The following MMP16 variants were observed in gnomAD, a reference collection of about 807,000 sequenced individuals.
MMP16 encodes the protein matrix metallopeptidase 16.
Under a neutral mutation model 67.8 loss-of-function variants are expected in MMP16, and 12 were observed. The observed-to-expected ratio is 0.18, with a 90% confidence interval of 0.11 to 0.29. The LOEUF is 0.29. Ranked by LOEUF, MMP16 falls within the 10% of genes least tolerant of loss-of-function variation. MMP16 has a pLI of 1.00. For missense variants in MMP16, 475 were observed against 765.7 expected, an observed-to-expected ratio of 0.62 and a Z score of 4.48; for synonymous variants, 249 against 255.9, an observed-to-expected ratio of 0.97 and a Z score of 0.26.
rs77967561 is a variant in MMP16, at chr8:88,247,747, C to T, written c.133-50441G>A. On this transcript the variant is annotated intron_variant, in intron 1 of 9. Transcript: ENST00000286614. ...TTAACATAGACTTCAGCTGTACCTT[C>T]GCTCCACACTGCTTTGTACACATCT... Among the ~76,000 whole-genome samples the T allele has an allele frequency of 8.1e-3, 1,224 of 151,354 alleles. 16 individuals carry two copies. The highest frequency in any genetic ancestry group is 0.027 in the African/African-American group (1,117 of 41,226).
At chr8:88,140,942 A>T (rs1808201578) in intron 4 of MMP16, among the ~76,000 whole-genome samples, 1 of 152,198 alleles carries the variant, frequency 6.6e-6, no homozygotes. Flanking sequence ...CATCAAAATT[A>T]AAATATCATT....
At position 88,041,028 on chromosome 8, in the gene MMP16, G is replaced by GA. The variant is rs1462757320; in HGVS notation, c.*432dup. The GA allele has an allele frequency of 1.3e-5, 2 of 151,924 alleles. No homozygotes were observed. Among genetic ancestry groups the GA allele is most frequent in the Non-Finnish European group, 2.9e-5 (2 of 68,370 alleles). 9.4% of individuals were successfully genotyped at this position (151,924 alleles called of 1,614,324 possible). ...GTTTTAAAGCAAAAAAAGAAAAAAA[G>GA]AAAAAAAGAAAAAAAGAAAAACCGT... On this transcript the variant is annotated 3_prime_UTR_variant, in exon 10 of 10. Transcript: ENST00000286614. The surrounding 1 kb of genome is among the most constrained non-coding windows in gnomAD (Gnocchi z 6.0).
intron 1 of MMP16, among the ~76,000 whole-genome samples, chr8:88,309,424 T>G (rs1038466386): frequency 2.7e-5 from 4 of 150,760 alleles, no homozygotes; most frequent in Non-Finnish European, 5.9e-5. Context: ...AGAAAGTCTA[T>G]AAAGAGGGAG....
intron 4 of MMP16, among the ~76,000 whole-genome samples, chr8:88,164,719 A>G (rs954556901): frequency 3.3e-5 from 5 of 151,960 alleles, no homozygotes; most frequent in African/African-American, 1.2e-4. Context: ...CTCAAATATT[A>G]AACAATTGTT....
Position 88,037,057 on chromosome 8 carries a change from A to C in MMP16, c.*4404T>G, listed in dbSNP as rs1436870253. 6 of 151,154 alleles carry C rather than the reference A, an allele frequency of 4.0e-5. No homozygotes were observed. The highest frequency in any genetic ancestry group is 1.2e-4 in the African/African-American group (5 of 41,186). 9.4% of individuals were successfully genotyped at this position (151,154 alleles called of 1,614,324 possible). A position where few individuals can be genotyped will look rare whatever the true frequency, so the allele number is the denominator to read the frequency against. Reference sequence around the variant, plus strand: ...TTCAGATAGCACTTTGAGTTTAGTTAATATGGACACACTATTTATTCCACT... The same window carrying C: ...TTCAGATAGCACTTTGAGTTTAGTTCATATGGACACACTATTTATTCCACT... On this transcript the variant is annotated 3_prime_UTR_variant, in exon 10 of 10. Transcript: ENST00000286614.
At chr8:88,084,635 A>C (rs2118320848) in intron 6 of MMP16, among the ~76,000 whole-genome samples, 1 of 152,178 alleles carries the variant, frequency 6.6e-6, no homozygotes, top group South Asian at 2.1e-4. Context: ...CTGCATTTGC[A>C]TACATACATA....
At chr8:88,093,915 G>C (rs1313073124) in intron 6 of MMP16, among the ~76,000 whole-genome samples, 1 of 151,762 alleles carries the variant, frequency 6.6e-6, no homozygotes, top group Non-Finnish European at 1.5e-5. Context: ...AGTATAACTA[G>C]AGAATTTCAA....
At position 88,119,799 on chromosome 8, in the gene MMP16, T is replaced by C. The variant is rs28907630; in HGVS notation, c.710-938A>G. ...GGGGCTGTTACATTTCTAAGGGTTA[T>C]GTTTCTAAGTGAAAAGTTTAATGTG... On this transcript the variant is annotated intron_variant, in intron 4 of 9. Coordinates refer to ENST00000286614, the MANE Select transcript of MMP16 (RefSeq NM_005941.5). 2.2e-3 allele frequency among the ~76,000 whole-genome samples: 331 copies of C among 152,216 alleles called. 1 individual carries two copies. The highest frequency in any genetic ancestry group is 7.6e-3 in the African/African-American group (317 of 41,570).
intron 7 of MMP16, among the ~76,000 whole-genome samples, chr8:88,062,713 G>A (rs948695590): frequency 3.3e-5 from 5 of 152,030 alleles, no homozygotes; most frequent in Non-Finnish European, 5.9e-5. Context: ...TGTAAATGAC[G>A]AGTTAATGGG....
chr8:88,233,039 A>C (rs1323693219), intron 1 of MMP16, among the ~76,000 whole-genome samples: 2 of 152,162 alleles, frequency 1.3e-5, no homozygotes, highest in Non-Finnish European at 2.9e-5. Context: ...ACTTTGAGCA[A>C]CTTACTTAGT....
intron 3 of MMP16, among the ~76,000 whole-genome samples, chr8:88,177,757 C>G (rs535878473): frequency 6.6e-6 from 1 of 152,070 alleles, no homozygotes; most frequent in East Asian, 1.9e-4. Context: ...ATTACATAAA[C>G]GAAGAAAAAC....
intron 1 of MMP16, among the ~76,000 whole-genome samples, chr8:88,297,132 C>G (rs1811025482): frequency 6.6e-6 from 1 of 152,050 alleles, no homozygotes; most frequent in Admixed American, 6.6e-5. Context: ...AAAGGATCAG[C>G]TCCCACAAAG....
chr8:88,075,462 A>G (rs1199443090), intron 6 of MMP16, among the ~76,000 whole-genome samples: 10 of 152,108 alleles, frequency 6.6e-5, no homozygotes, highest in Admixed American at 4.6e-4. Flanking sequence ...GCAGGTTTCT[A>G]TAAAGTTGTT....
chr8:88,094,538 G>A (rs1808993937), intron 6 of MMP16, among the ~76,000 whole-genome samples: 1 of 151,348 alleles, frequency 6.6e-6, no homozygotes, highest in Non-Finnish European at 1.5e-5. Context: ...GCTATGTTCT[G>A]TCTAGTCTTT....
chr8:88,075,974 C>CACACACACAA (rs1467455212), intron 6 of MMP16, among the ~76,000 whole-genome samples: 1 of 151,208 alleles, frequency 6.6e-6, no homozygotes, highest in Non-Finnish European at 1.5e-5. Context: ...CACACACACA[C>CACACACACAA]AAAATCTACT....
chr8:88,147,450 T>C (rs1238967135), intron 4 of MMP16, among the ~76,000 whole-genome samples: 1 of 152,058 alleles, frequency 6.6e-6, no homozygotes. Flanking sequence ...CTTTCATCAA[T>C]ATTATTTCAT....
At chr8:88,221,140 G>A (rs1473782678) in intron 1 of MMP16, among the ~76,000 whole-genome samples, 2 of 152,036 alleles carry the variant, frequency 1.3e-5, no homozygotes, top group East Asian at 3.9e-4. Flanking sequence ...AGCTGGGAGG[G>A]GTGGGGAGTG....
chr8:88,106,630 T>C (rs988791682), intron 6 of MMP16, among the ~76,000 whole-genome samples: 5 of 151,282 alleles, frequency 3.3e-5, no homozygotes, highest in African/African-American at 1.2e-4. Context: ...AAATGTAAGA[T>C]ACTATTAACC....
chr8:88,155,466 G>GCAGT (rs1808493066), intron 4 of MMP16, among the ~76,000 whole-genome samples: 2 of 151,696 alleles, frequency 1.3e-5, no homozygotes, highest in Non-Finnish European at 2.9e-5. Flanking sequence ...TATTAATTTT[G>GCAGT]CAGTGAATAA....
Sources: allele counts gnomAD v4.1 joint callset (sites outside exome capture counted in the v4.1 genomes callset), GRCh38; gene constraint gnomAD v4.1.1; non-coding constraint Gnocchi (gnomAD v3.1); transcripts MANE v1.5; gene names NCBI Gene and HGNC (gene_info 2026-07-23, HGNC 2026-07-21).